EMG1: variants seen among roughly 807,000 people sequenced by gnomAD.
The protein encoded by EMG1 is ribosomal RNA small subunit methyltransferase NEP1.
Under a neutral mutation model 26.9 loss-of-function variants are expected in EMG1, and 24 were observed. That is an observed-to-expected ratio of 0.89 (90% confidence interval 0.65 to 1.26). EMG1 has a LOEUF of 1.26. Ranked by LOEUF, EMG1 falls within the 50% of genes most tolerant of loss-of-function variation. The pLI is 0.00. For synonymous variants in EMG1, 140 were observed against 112.6 expected (o/e 1.24, Z -1.54); for missense variants, 299 against 307.6 (o/e 0.97, Z 0.21).
chr12:6,972,057 C>T (rs12580956), intron 1 of EMG1, among the ~76,000 whole-genome samples: 1 of 147,594 alleles, frequency 6.8e-6, no homozygotes, highest in Non-Finnish European at 1.5e-5. Context: ...AATCTTCGTT[C>T]TAAATACACT....
At chr12:6,982,559 G>A (rs1591547395), downstream of EMG1, 6 of 720,914 alleles carry the variant, frequency 8.3e-6, no homozygotes, top group East Asian at 1.4e-4. Flanking sequence ...ACTGCTAAGT[G>A]CTGGGAGAGG....
Position 6,978,259 on chromosome 12 carries a change from G to C in EMG1, c.*2450G>C. The stretch of plus-strand genomic sequence containing the variant: ...CCAGATGGGAAAGACGCATAGGGGT[G>C]ACATGGTACACCCCTGCCCTCCAAT... On this transcript the variant is annotated 3_prime_UTR_variant, in exon 6 of 6. Transcript: ENST00000599672. 1 of 1,487,680 alleles carries C rather than the reference G, an allele frequency of 6.7e-7. No individual in the cohort carries two copies. Among genetic ancestry groups the C allele is most frequent in the African/African-American group, 1.4e-5 (1 of 71,320 alleles). The allele number at this position is 1,487,680 out of a possible 1,614,324, so 92.2% of individuals were successfully genotyped here. A position where few individuals can be genotyped will look rare whatever the true frequency, so the allele number is the denominator to read the frequency against.
At chr12:6,996,850 A>G (rs1946639914) in intron 7 of EMG1, among the ~76,000 whole-genome samples, 1 of 152,220 alleles carries the variant, frequency 6.6e-6, no homozygotes. Context: ...AGAAGAGATG[A>G]CGGCATTCCA....
At chr12:6,993,875 G>T (rs1275102922) in intron 7 of EMG1, among the ~76,000 whole-genome samples, 2 of 152,126 alleles carry the variant, frequency 1.3e-5, no homozygotes, top group African/African-American at 4.8e-5. Flanking sequence ...GCTTCCCAAA[G>T]TGCTAGGATT....
downstream of EMG1, among the ~76,000 whole-genome samples, chr12:6,982,252 T>G (rs1182683909): frequency 2.0e-5 from 3 of 152,188 alleles, no homozygotes; most frequent in Non-Finnish European, 4.4e-5. Context: ...TTGCCCGGGT[T>G]AGTCTCAAAC....
chr12:6,978,872 G>A lies in EMG1; in HGVS notation c.*3063G>A, dbSNP rs1555153677. 1 of 766,372 alleles carries A rather than the reference G, an allele frequency of 1.3e-6. No homozygotes were observed. Among genetic ancestry groups the A allele is most frequent in the East Asian group, 2.8e-5 (1 of 35,954 alleles). 47.5% of individuals were successfully genotyped at this position (766,372 alleles called of 1,614,324 possible). Reference sequence around the variant, plus strand: ...GCAGAGAGGAATAAGCAGAGGGCCTGGAGAATATTCATTCGCCTTTCCCTT... The same window carrying A: ...GCAGAGAGGAATAAGCAGAGGGCCTAGAGAATATTCATTCGCCTTTCCCTT... On this transcript the variant is annotated 3_prime_UTR_variant, in exon 6 of 6. Coordinates refer to ENST00000599672, the MANE Select transcript of EMG1 (RefSeq NM_006331.8).
downstream of EMG1, among the ~76,000 whole-genome samples, chr12:6,988,918 G>A (rs1946558900): frequency 6.6e-6 from 1 of 152,062 alleles, no homozygotes; most frequent in South Asian, 2.1e-4. Flanking sequence ...CCTGAGGTCA[G>A]GAGTTTGAGA....
intron 6 of EMG1, among the ~76,000 whole-genome samples, chr12:6,986,173 T>G (rs978350283): frequency 6.6e-6 from 1 of 152,150 alleles, no homozygotes; most frequent in Non-Finnish European, 1.5e-5. Flanking sequence ...AACACAATTT[T>G]GAACAGCAAG....
exon 8 of EMG1, chr12:6,997,427 G>GTT (rs1565603365): frequency 3.6e-5 from 5 of 137,482 alleles, no homozygotes; most frequent in African/African-American, 1.5e-4. Context: ...GTGTGTGTGT[G>GTT]TTTCAAGACA....
chr12:6,974,538 T>G lies in EMG1; in HGVS notation c.271-14T>G, dbSNP rs1555152769. 1.2e-6 allele frequency: 2 copies of G among 1,612,550 alleles called. No homozygotes were observed. On this transcript the variant is annotated splice_polypyrimidine_tract_variant and intron_variant, in intron 2 of 5. Coordinates refer to ENST00000599672, the MANE Select transcript of EMG1 (RefSeq NM_006331.8). ...CTTCAGCCTTAACCATGTCTCGGTT[T>G]CTGCTTTGCTCAGAGTTTGCTGATG... is the stretch of plus-strand genomic sequence containing the variant.
rs782094965 is a variant in EMG1, at chr12:6,979,416, G to C, written c.*3607G>C. 1.2e-5 allele frequency: 16 copies of C among 1,306,266 alleles called. No homozygotes were observed. The African/African-American group carries it at 2.2e-4, about 18-fold the overall frequency. The allele number at this position is 1,306,266 out of a possible 1,614,324, so 80.9% of individuals were successfully genotyped here. A position where few individuals can be genotyped will look rare whatever the true frequency, so the allele number is the denominator to read the frequency against. On this transcript the variant is annotated 3_prime_UTR_variant, in exon 6 of 6. Coordinates refer to ENST00000599672, the MANE Select transcript of EMG1 (RefSeq NM_006331.8). ...CTGCTATCTGTAGGGATCCTTGCCT[G>C]TCCATTTTCTAGCTCTGGTGCAGTC...
At chr12:6,992,155 A>AAAAAC (rs782208331), downstream of EMG1, among the ~76,000 whole-genome samples, 215 of 152,202 alleles carry the variant, frequency 1.4e-3, 1 homozygote, top group African/African-American at 4.2e-3. Flanking sequence ...CCCCATCTCT[A>AAAAAC]AAAACAAAAC....
rs1162489133 is a variant in EMG1, at chr12:6,976,664, G to T, written c.*855G>T. On this transcript the variant is annotated 3_prime_UTR_variant, in exon 6 of 6. Transcript: ENST00000599672. Reference sequence around the variant, plus strand: ...CTTGAACCCAGGAGGTGGAGGTTGCGGTGAGCTGAGATCCCGCCACTGCAT... The same window carrying T: ...CTTGAACCCAGGAGGTGGAGGTTGCTGTGAGCTGAGATCCCGCCACTGCAT... The T allele has an allele frequency of 6.5e-6, 1 of 154,346 alleles. No individual in the cohort carries two copies. Among genetic ancestry groups the T allele is most frequent in the South Asian group, 2.0e-4 (1 of 4,994 alleles). 9.6% of individuals were successfully genotyped at this position (154,346 alleles called of 1,614,324 possible). A position where few individuals can be genotyped will look rare whatever the true frequency, so the allele number is the denominator to read the frequency against.
chr12:6,974,521 T>C, intron 2 of EMG1, 31 bp from the exon 3 acceptor site: 1 of 1,612,120 alleles, frequency 6.2e-7, no homozygotes, highest in Non-Finnish European at 8.5e-7. Context: ...CTCTTCAGCC[T>C]TAACCATGTC....
intron 7 of EMG1, among the ~76,000 whole-genome samples, chr12:6,994,790 A>G (rs1946622969): frequency 6.6e-6 from 1 of 152,198 alleles, no homozygotes; most frequent in Non-Finnish European, 1.5e-5. Flanking sequence ...TACTTCTGGC[A>G]TGGGTTGGCT....
At chr12:6,972,193 A>G (rs782368718) in intron 1 of EMG1, among the ~76,000 whole-genome samples, 3 of 151,722 alleles carry the variant, frequency 2.0e-5, no homozygotes, top group Non-Finnish European at 4.4e-5. Context: ...CAGCCTCCAG[A>G]GTAGCTGGGA....
rs1555153337 is a variant in EMG1 at position 6,977,187 on chromosome 12, C to T, written c.*1378C>T. ...AACTTCTCTTTCCTTGGCACCATTG[C>T]TTTGTGAATATAAGGCAATATGAAT... is the stretch of plus-strand genomic sequence containing the variant. On this transcript the variant is annotated 3_prime_UTR_variant, in exon 6 of 6. Coordinates refer to ENST00000599672, the MANE Select transcript of EMG1 (RefSeq NM_006331.8). The surrounding 1 kb of genome is among the most constrained non-coding windows in gnomAD (Gnocchi z 4.5). 6.2e-7 allele frequency: 1 copy of T among 1,613,684 alleles called. No homozygotes were observed. Among genetic ancestry groups the T allele is most frequent in the Non-Finnish European group, 8.5e-7 (1 of 1,179,610 alleles).
At chr12:6,980,893 ATGACTCAG>A, downstream of EMG1, 1 of 1,103,730 alleles carries the variant, frequency 9.1e-7, no homozygotes. Flanking sequence ...CAGGGCCTGC[ATGACTCAG>A]GTCTCTATGC....
intron 1 of EMG1, among the ~76,000 whole-genome samples, chr12:6,974,078 C>T (rs768331425): frequency 5.9e-4 from 90 of 152,214 alleles, no homozygotes; most frequent in Non-Finnish European, 1.1e-3. Context: ...TGTGAAGTCA[C>T]AGGTTGTGCC....
Sources: allele counts gnomAD v4.1 joint callset (sites outside exome capture counted in the v4.1 genomes callset), GRCh38; gene constraint gnomAD v4.1.1; non-coding constraint Gnocchi (gnomAD v3.1); transcripts MANE v1.5; gene names NCBI Gene and HGNC (gene_info 2026-07-23, HGNC 2026-07-21).